Variants in OCA2 observed in about 807,000 individuals in gnomAD.
OCA2 encodes P protein.
A neutral mutation model predicts 100.2 loss-of-function variants in OCA2; 77 were observed. The observed-to-expected ratio is 0.77, with a 90% CI of 0.64 to 0.93. OCA2 has a LOEUF of 0.93. Ranked by LOEUF, OCA2 falls within the 40% of genes least tolerant of loss-of-function variation. OCA2 has a pLI of 0.00. For missense variants in OCA2, 1,062 were observed against 1,089.1 expected (o/e 0.98, Z 0.35); for synonymous variants, 432 against 439.2 (o/e 0.98, Z 0.21).
intron 18 of OCA2, among the ~76,000 whole-genome samples, chr15:27,933,069 C>G (rs1431844579): frequency 2.0e-5 from 3 of 152,074 alleles, no homozygotes; most frequent in Non-Finnish European, 4.4e-5. Flanking sequence ...AATGCCAAGA[C>G]TACTCAATCG....
chr15:27,987,714 C>T (rs764388418), intron 11 of OCA2, among the ~76,000 whole-genome samples: 4 of 151,670 alleles, frequency 2.6e-5, no homozygotes, highest in Non-Finnish European at 5.9e-5. Flanking sequence ...GGAGACAGAG[C>T]GAGACTCTGT....
At chr15:27,762,973 G>T (rs1349192197) in intron 23 of OCA2, among the ~76,000 whole-genome samples, 3 of 152,162 alleles carry the variant, frequency 2.0e-5, no homozygotes. Flanking sequence ...CAAATGACGT[G>T]ATTTCATTTG....
At chr15:27,930,690 T>C (rs889594312) in intron 18 of OCA2, among the ~76,000 whole-genome samples, 11 of 149,122 alleles carry the variant, frequency 7.4e-5, no homozygotes, top group African/African-American at 2.4e-4. Context: ...GGTCAGAGAC[T>C]GCCTGAGGAT....
chr15:27,889,639 T>C (rs978856325), intron 19 of OCA2, among the ~76,000 whole-genome samples: 2 of 152,184 alleles, frequency 1.3e-5, no homozygotes, highest in African/African-American at 4.8e-5. Context: ...CATCAAAGCC[T>C]CACTGCCCTT....
chr15:27,814,214 T>TA (rs139647229), intron 23 of OCA2, among the ~76,000 whole-genome samples: 22,613 of 151,486 alleles, frequency 0.15, 2,418 homozygotes, highest in East Asian at 0.54. Context: ...TTTTTTTAAT[T>TA]AAAAAAAACA....
chr15:27,813,579 T>C (rs2034164893), intron 23 of OCA2, among the ~76,000 whole-genome samples: 1 of 152,214 alleles, frequency 6.6e-6, no homozygotes, highest in African/African-American at 2.4e-5. Flanking sequence ...CCATGAGACA[T>C]TAAAGCTCAT....
At chr15:28,012,556 GGCCTCTTAAATATCTGCTA>G (rs2042273680) in intron 9 of OCA2, among the ~76,000 whole-genome samples, 1 of 152,056 alleles carries the variant, frequency 6.6e-6, no homozygotes, top group African/African-American at 2.4e-5. Context: ...ATGTCGAACT[GGCCTCTTAAATATCTGCTA>G]GCCGTAATAA....
intron 19 of OCA2, among the ~76,000 whole-genome samples, chr15:27,882,469 C>G (rs533082087): frequency 6.6e-6 from 1 of 152,276 alleles, no homozygotes; most frequent in South Asian, 2.1e-4. Context: ...AGTGCATTTT[C>G]TTTACCTCAT....
chr15:27,762,788 G>A (rs191917391), intron 23 of OCA2, among the ~76,000 whole-genome samples: 51 of 152,252 alleles, frequency 3.3e-4, no homozygotes, highest in East Asian at 1.2e-3. Flanking sequence ...GTCTAAAAAC[G>A]GTTTGCCTAG....
At chr15:27,784,541 T>A (rs1281029677) in intron 23 of OCA2, among the ~76,000 whole-genome samples, 1 of 152,194 alleles carries the variant, frequency 6.6e-6, no homozygotes, top group Middle Eastern at 3.2e-3. Flanking sequence ...TATGACACTT[T>A]CAGATCAGAA....
chr15:28,023,789 A>G (rs193003883), intron 5 of OCA2, among the ~76,000 whole-genome samples: 69 of 151,978 alleles, frequency 4.5e-4, no homozygotes, highest in African/African-American at 1.6e-3. Flanking sequence ...CACAACCTAC[A>G]CAGCTCACAC....
chr15:27,977,178 T>C (rs1393261210), intron 14 of OCA2, among the ~76,000 whole-genome samples: 1 of 152,200 alleles, frequency 6.6e-6, no homozygotes, highest in Non-Finnish European at 1.5e-5. Context: ...TGGCGAGATG[T>C]TTATCAATAT....
intron 12 of OCA2, 141 bp from the exon 13 acceptor site, chr15:27,985,329 AG>A: frequency 1.0e-6 from 1 of 970,792 alleles, no homozygotes; most frequent in Non-Finnish European, 1.6e-6. Context: ...ACGGAGTCCT[AG>A]GGGGGCCGAG....
chr15:27,837,656 G>A (rs1424366296), intron 23 of OCA2, among the ~76,000 whole-genome samples: 1 of 152,074 alleles, frequency 6.6e-6, no homozygotes, highest in Non-Finnish European at 1.5e-5. Context: ...ACTGGAAAAC[G>A]ATCCTGGTGG....
the OCA2 span, among the ~76,000 whole-genome samples, chr15:27,748,564 T>C: frequency 6.6e-6 from 1 of 152,192 alleles, no homozygotes; most frequent in Non-Finnish European, 1.5e-5. Context: ...GGTAACTGCT[T>C]GCTAAAATTC....
intron 9 of OCA2, among the ~76,000 whole-genome samples, chr15:28,004,970 G>C (rs866265248): frequency 6.6e-6 from 1 of 152,100 alleles, no homozygotes; most frequent in African/African-American, 2.4e-5. Context: ...TCCACCCCTT[G>C]AGCCCCAGAT....
intron 14 of OCA2, among the ~76,000 whole-genome samples, 153 bp downstream of exon 14, chr15:27,983,192 C>G (rs1053975729): frequency 2.6e-5 from 4 of 152,174 alleles, no homozygotes; most frequent in African/African-American, 9.6e-5. Flanking sequence ...GACCAGTCAC[C>G]TAACATCCCA....
chr15:27,821,807 G>A (rs1266892819), intron 23 of OCA2, among the ~76,000 whole-genome samples: 2 of 151,934 alleles, frequency 1.3e-5, no homozygotes, highest in African/African-American at 4.8e-5. Flanking sequence ...CACATACACA[G>A]GCACATAGGC....
Position 27,918,349 on chromosome 15 carries a change from C to T in OCA2, c.2079+7778G>A, listed in dbSNP as rs1036216158. 2.6e-5 allele frequency among the ~76,000 whole-genome samples: 4 copies of T among 152,098 alleles called. No homozygotes were observed. In the South Asian group the frequency reaches 6.2e-4, roughly 24 times the overall value. On this transcript the variant is annotated intron_variant, in intron 19 of 23. Transcript: ENST00000354638. ...CCTCCCAAAGTGCTGGGATTACAGGCGAGAGCCACTGTGTCCAGCACCTCT... is the reference window on the plus strand; with the variant it reads ...CCTCCCAAAGTGCTGGGATTACAGGTGAGAGCCACTGTGTCCAGCACCTCT...
Sources: gnomAD v4.1 joint callset for allele counts (sites outside exome capture counted in the v4.1 genomes callset) on GRCh38, gnomAD v4.1.1 for gene constraint, MANE v1.5 for transcripts, NCBI Gene and HGNC (gene_info 2026-07-23, HGNC 2026-07-21) for gene names.